The following BCAP31 variants were observed in gnomAD, a reference collection of about 807,000 sequenced individuals.
BCAP31 encodes the protein B cell receptor associated protein 31, also known as B-cell receptor-associated protein 31.
For synonymous variants in BCAP31, 75 were observed against 80.9 expected (o/e 0.93, Z 0.39); for missense variants, 124 against 193.0 (o/e 0.64, Z 2.12).
chrX:153,724,069 C>T (rs939755873), intron 1 of BCAP31: 22 of 324,415 alleles, frequency 6.8e-5, no homozygotes, highest in Non-Finnish European at 7.1e-5. Context: ...TCCGACTTGG[C>T]CCCGGCCTGG....
chrX:153,716,180 A>G (rs1472920033), intron 3 of BCAP31, among the ~76,000 whole-genome samples: 3 of 100,910 alleles, frequency 3.0e-5, no homozygotes, highest in African/African-American at 1.1e-4. Flanking sequence ...AAAAAAAAAA[A>G]GGAAGCTCCC....
Position 153,700,690 on chromosome X carries a change from T to G in BCAP31, c.*247A>C, listed in dbSNP as rs1264271305. On this transcript the variant is annotated 3_prime_UTR_variant, in exon 8 of 8. Coordinates refer to ENST00000345046, the MANE Select transcript of BCAP31 (RefSeq NM_001256447.2). ...CACGCTCAGGCGTGGAAGCCAAGGC[T>G]GTGCCAGGCCTGGCCAGGCCAAGCA... 2 of 345,875 alleles carry G rather than the reference T, an allele frequency of 5.8e-6. No homozygotes were observed. Among genetic ancestry groups the G allele is most frequent in the Non-Finnish European group, 1.0e-5 (2 of 200,859 alleles). 28.5% of individuals were successfully genotyped at this position (345,875 alleles called of 1,213,427 possible).
At chrX:153,702,758 G>T (rs1458964167) in intron 6 of BCAP31, among the ~76,000 whole-genome samples, 177 bp downstream of exon 6, 1 of 112,778 alleles carries the variant, frequency 8.9e-6, no homozygotes, top group Non-Finnish European at 1.9e-5. Flanking sequence ...CTGGCCTGCC[G>T]GCTAAGCATG....
At chrX:153,708,633 G>A (rs1319800003) in intron 4 of BCAP31, among the ~76,000 whole-genome samples, 1 of 113,008 alleles carries the variant, frequency 8.8e-6, no homozygotes, top group Admixed American at 9.3e-5. Flanking sequence ...GAAAAAAAAT[G>A]AGGCAGCGCC....
intron 3 of BCAP31, among the ~76,000 whole-genome samples, chrX:153,717,723 T>G (rs1480443817): frequency 8.9e-6 from 1 of 112,172 alleles, no homozygotes; most frequent in East Asian, 2.8e-4. Flanking sequence ...CCTCATGGGG[T>G]TCTTAATTTC....
intron 3 of BCAP31, among the ~76,000 whole-genome samples, chrX:153,715,953 T>A (rs2091624269): frequency 9.5e-6 from 1 of 105,520 alleles, no homozygotes; most frequent in Non-Finnish European, 1.9e-5. Flanking sequence ...AGGTCAGGAG[T>A]TCGAGACAAG....
At chrX:153,702,212 A>C in intron 6 of BCAP31, 105 bp from the exon 7 acceptor site, 308 of 654,543 alleles carry the variant, frequency 4.7e-4, no homozygotes, top group Non-Finnish European at 6.1e-4. Context: ...AATCTATCTC[A>C]AACGAGGTTA....
At chrX:153,710,063 G>A (rs184051091) in intron 4 of BCAP31, among the ~76,000 whole-genome samples, 178 of 112,414 alleles carry the variant, frequency 1.6e-3, no homozygotes, top group African/African-American at 5.4e-3. Context: ...GGGGTGTTCC[G>A]CACAGAGGTC....
chrX:153,714,814 G>A (rs1388090838), intron 4 of BCAP31, among the ~76,000 whole-genome samples: 4 of 110,759 alleles, frequency 3.6e-5, no homozygotes, highest in Non-Finnish European at 7.6e-5. Context: ...TAAGTGATGA[G>A]AGCTCCACCC....
rs1370688565 is a variant in BCAP31 at position 153,702,920 on chromosome X, G to A, written c.601+15C>T. On this transcript the variant is annotated intron_variant, in intron 6 of 7. Coordinates refer to ENST00000345046, the MANE Select transcript of BCAP31 (RefSeq NM_001256447.2). ...TGGACTTCCCTGCGGGGAAGGACACGAGGTCGAGCCTCACTTTGCTTAGTG... is the reference window on the plus strand; with the variant it reads ...TGGACTTCCCTGCGGGGAAGGACACAAGGTCGAGCCTCACTTTGCTTAGTG... 6 of 1,207,275 alleles carry A rather than the reference G, an allele frequency of 5.0e-6. No individual in the cohort carries two copies. The Admixed American group carries it at 6.5e-5, about 13-fold the overall frequency.
At chrX:153,707,101 T>C (rs782699360) in intron 4 of BCAP31, among the ~76,000 whole-genome samples, 2 of 111,037 alleles carry the variant, frequency 1.8e-5, no homozygotes, top group Non-Finnish European at 3.8e-5. Context: ...CGGAATGTCC[T>C]CTCGACCCAG....
At chrX:153,703,863 G>A (rs1408912204) in intron 5 of BCAP31, 96 bp downstream of exon 5, 2 of 1,114,490 alleles carry the variant, frequency 1.8e-6, no homozygotes, top group Admixed American at 2.5e-5. Context: ...ATTTCCCAGC[G>A]TGACAGGCTA....
At chrX:153,704,304 G>A (rs782623913) in intron 4 of BCAP31, among the ~76,000 whole-genome samples, 2 of 112,119 alleles carry the variant, frequency 1.8e-5, no homozygotes, top group African/African-American at 6.5e-5. Flanking sequence ...TGTGCCCAAC[G>A]GCCACCCTCA....
chrX:153,723,236 C>A lies in BCAP31; in HGVS notation c.9G>T (p.Leu3=), dbSNP rs374108743. MS[L]QWTAVATFLY... is the part of the protein sequence containing the mutation. ...GGAAGGTGGCAACTGCAGTCCACTG[C>A]AGACTCATCCTGTTGCTAGAAGGTT... The change falls in exon 2 of 8, where the codon CTG becomes CTT. Residue 3 remains leucine (L), a synonymous_variant. Transcript: ENST00000345046. 1.2e-4 allele frequency: 140 copies of A among 1,208,271 alleles called. No homozygotes were observed. The highest frequency in any genetic ancestry group is 9.6e-5 in the Non-Finnish European group (86 of 894,083).
chrX:153,716,215 A>AGCTTT (rs1269558138), intron 3 of BCAP31, among the ~76,000 whole-genome samples: 1 of 108,086 alleles, frequency 9.3e-6, no homozygotes, highest in African/African-American at 3.4e-5. Context: ...TCCTTCCTCC[A>AGCTTT]GCTTTTCAAT....
intron 2 of BCAP31, among the ~76,000 whole-genome samples, chrX:153,721,398 T>C (rs911486193): frequency 7.3e-5 from 7 of 95,334 alleles, no homozygotes; most frequent in Non-Finnish European, 1.4e-4. Context: ...ATCGCGCCAC[T>C]GCACTCCAGC....
chrX:153,721,888 G>A (rs1922913732), intron 2 of BCAP31, among the ~76,000 whole-genome samples: 1 of 109,854 alleles, frequency 9.1e-6, no homozygotes, highest in Non-Finnish European at 1.9e-5. Flanking sequence ...GACAGAGCAA[G>A]ACTCTGTCTC....
At chrX:153,703,297 G>A (rs782782741) in intron 5 of BCAP31, among the ~76,000 whole-genome samples, 4 of 113,352 alleles carry the variant, frequency 3.5e-5, no homozygotes, top group South Asian at 7.2e-4. Context: ...CGCCGGGCAC[G>A]CCTTGCCTGC....
chrX:153,713,004 G>C (rs1281776919), intron 4 of BCAP31, among the ~76,000 whole-genome samples: 3 of 111,515 alleles, frequency 2.7e-5, no homozygotes, highest in Non-Finnish European at 3.8e-5. Context: ...TCAGGAGTTT[G>C]AGACCAGCCT....
Sources: gnomAD v4.1 joint callset for allele counts (sites outside exome capture counted in the v4.1 genomes callset) on GRCh38, gnomAD v4.1.1 for gene constraint, MANE v1.5 for transcripts, NCBI Gene and HGNC (gene_info 2026-07-23, HGNC 2026-07-21) for gene names.